Variants in RYR3 observed in about 807,000 individuals in gnomAD.
RYR3 encodes ryanodine receptor 3.
A neutral mutation model predicts 584.3 loss-of-function variants in RYR3; 207 were observed. The observed-to-expected ratio is 0.35, with a 90% CI of 0.32 to 0.40. The LOEUF is 0.40. Among genes scored for constraint, RYR3 ranks in the 10% least tolerant of loss-of-function variants. The pLI, the probability that RYR3 is intolerant of heterozygous loss-of-function variation, is 1.00. For missense variants in RYR3, 5,616 were observed against 6,089.2 expected, an observed-to-expected ratio of 0.92 and a Z score of 2.59; for synonymous variants, 2,416 against 2,248.5, an observed-to-expected ratio of 1.07 and a Z score of -2.11.
chr15:33,754,318 T>C (rs8029028), intron 57 of RYR3, among the ~76,000 whole-genome samples: 8,575 of 152,212 alleles, frequency 0.056, 685 homozygotes, highest in African/African-American at 0.18. Flanking sequence ...TATTGAAAAC[T>C]TCTAATAGCT....
At position 33,662,867 on chromosome 15, in the gene RYR3, G is replaced by A; in HGVS notation, c.5337G>A (p.Val1779=). The stretch of plus-strand genomic sequence containing the variant: ...TGACCCAGGTGGAGGAGAAGGCTGT[G>A]GAGGCTGGGGAGAAGGCCGGCAAGG... The part of the protein sequence containing the change: ...EEVTQVEEKA[V]EAGEKAGKEA... Residue 1779 remains valine (V), a synonymous_variant, in exon 35 of 104, where the codon GTG becomes GTA. Transcript: ENST00000634891. 1 of 1,613,782 alleles carries A rather than the reference G, an allele frequency of 6.2e-7. No individual in the cohort carries two copies. Among genetic ancestry groups the A allele is most frequent in the Non-Finnish European group, 8.5e-7 (1 of 1,179,884 alleles).
At chr15:33,495,426 T>C (rs1202939823) in intron 2 of RYR3, among the ~76,000 whole-genome samples, 1 of 152,210 alleles carries the variant, frequency 6.6e-6, no homozygotes, top group Non-Finnish European at 1.5e-5. Flanking sequence ...TCAGTCTTTC[T>C]GAGTCTTTCT....
chr15:33,424,051 G>A (rs1415088534), intron 1 of RYR3, among the ~76,000 whole-genome samples: 2 of 152,160 alleles, frequency 1.3e-5, no homozygotes, highest in African/African-American at 4.8e-5. Flanking sequence ...GGCTAGACTA[G>A]TACAGTGGCT....
chr15:33,597,550 G>A (rs1374777106), intron 16 of RYR3, among the ~76,000 whole-genome samples: 1 of 151,360 alleles, frequency 6.6e-6, no homozygotes, highest in East Asian at 1.9e-4. Context: ...GGCGGAGGTT[G>A]CAGTGAGCCA....
chr15:33,863,039 G>C (rs562810985), intron 102 of RYR3, among the ~76,000 whole-genome samples: 1 of 152,328 alleles, frequency 6.6e-6, no homozygotes, highest in Non-Finnish European at 1.5e-5. Flanking sequence ...CCACGTGTCT[G>C]TACCCATGGG....
At chr15:33,739,217 T>TTAGAGAAATCTAGAACATGCACA (rs1434036910) in intron 50 of RYR3, among the ~76,000 whole-genome samples, 1 of 152,222 alleles carries the variant, frequency 6.6e-6, no homozygotes, top group East Asian at 1.9e-4. Flanking sequence ...TCTGGTTTTC[T>TTAGAGAAATCTAGAACATGCACA]TAGAGAAATC....
chr15:33,494,480 G>GT (rs2051245684), intron 2 of RYR3, among the ~76,000 whole-genome samples: 1 of 152,154 alleles, frequency 6.6e-6, no homozygotes, highest in Admixed American at 6.5e-5. Context: ...CTATGATAGT[G>GT]TTTTTCCACC....
chr15:33,444,149 A>G (rs1184457924), intron 1 of RYR3, among the ~76,000 whole-genome samples: 1 of 152,068 alleles, frequency 6.6e-6, no homozygotes, highest in East Asian at 1.9e-4. Flanking sequence ...TCTCCATTTC[A>G]TGGGTTCCCT....
chr15:33,481,969 C>A (rs963604013), intron 2 of RYR3, among the ~76,000 whole-genome samples: 5 of 151,874 alleles, frequency 3.3e-5, no homozygotes, highest in African/African-American at 1.2e-4. Flanking sequence ...TGTCAATAGT[C>A]TTTTAAAGAA....
intron 5 of RYR3, among the ~76,000 whole-genome samples, chr15:33,534,335 G>A (rs1297342345): frequency 2.0e-5 from 3 of 152,182 alleles, no homozygotes; most frequent in Non-Finnish European, 4.4e-5. Flanking sequence ...CAGGAGGCAG[G>A]GGTTGCAGTG....
At chr15:33,826,603 C>A in intron 83 of RYR3, 69 bp from the exon 84 acceptor site, 1 of 1,258,278 alleles carries the variant, frequency 7.9e-7, no homozygotes, top group Non-Finnish European at 1.2e-6. Flanking sequence ...TCTGTGTAGT[C>A]ATTTACATTA....
At chr15:33,713,028 CTG>C (rs1282066402) in intron 43 of RYR3, among the ~76,000 whole-genome samples, 1 of 152,122 alleles carries the variant, frequency 6.6e-6, no homozygotes, top group Non-Finnish European at 1.5e-5. Flanking sequence ...AATGGGAAAA[CTG>C]TAATAAACAG....
In RYR3 at chr15:33,633,051, A is replaced by G. The variant is rs1206509163; in HGVS notation, c.2970A>G (p.Ala990=). The G allele has an allele frequency of 5.0e-6, 8 of 1,613,956 alleles. No individual in the cohort carries two copies. In the African/African-American group the frequency reaches 9.3e-5, roughly 19 times the overall value. Residue 990 remains alanine (A), a synonymous_variant, in exon 24 of 104, where the codon GCA becomes GCG. Coordinates refer to ENST00000634891, the MANE Select transcript of RYR3 (RefSeq NM_001036.6). ...TAGTGGATAAGCTTGCAGAAAATGC[A>G]CACAATGTTTGGGCAAAAGACAGAA... ...EILVDKLAEN[A]HNVWAKDRIK... is the part of the protein sequence containing the mutation.
intron 84 of RYR3, 73 bp from the exon 85 acceptor site, chr15:33,827,126 C>T (rs2255311): frequency 0.031 from 37,440 of 1,226,322 alleles, 2,795 homozygotes; most frequent in East Asian, 0.29. Context: ...CTTATCTGAG[C>T]TCAGCTGAGA....
chr15:33,473,328 G>T, intron 1 of RYR3, 91 bp from the exon 2 acceptor site: 1 of 1,484,650 alleles, frequency 6.7e-7, no homozygotes, highest in Non-Finnish European at 9.4e-7. Context: ...TCAGGGATTG[G>T]TGGCTTACCT....
chr15:33,503,650 G>C lies in RYR3; in HGVS notation c.191G>C (p.Cys64Ser). The change falls in exon 3 of 104, where the codon TGC (cysteine) becomes TCC (serine). Residue 64 changes from cysteine (C) to serine (S), a missense_variant. Coordinates refer to ENST00000634891, the MANE Select transcript of RYR3 (RefSeq NM_001036.6). ...SEAKYIPPDL[C>S]VCNFVLEQSL... ...CCACAGTACATTCCTCCAGATCTCT[G>C]CGTCTGCAATTTTGTGCTGGAACAG... The C allele has an allele frequency of 1.2e-6, 2 of 1,610,186 alleles. No homozygotes were observed. The highest frequency in any genetic ancestry group is 1.7e-6 in the Non-Finnish European group (2 of 1,177,274).
chr15:33,814,547 C>A (rs1273430874), intron 74 of RYR3, among the ~76,000 whole-genome samples: 1 of 152,150 alleles, frequency 6.6e-6, no homozygotes, highest in Non-Finnish European at 1.5e-5. Flanking sequence ...TAGCCTATAA[C>A]CTCGTCCTGA....
At chr15:33,650,453 C>T (rs923588421) in intron 31 of RYR3, among the ~76,000 whole-genome samples, 3 of 152,080 alleles carry the variant, frequency 2.0e-5, no homozygotes, top group South Asian at 2.1e-4. Context: ...ACATTGGACC[C>T]GTCACTTAAC....
At chr15:33,569,856 A>ATTTTATCAG (rs777321726) in intron 12 of RYR3, among the ~76,000 whole-genome samples, 8 of 54,922 alleles carry the variant, frequency 1.5e-4, no homozygotes. Context: ...GATACTGGAC[A>ATTTTATCAG]TTTTATCATG....
Sources: allele counts gnomAD v4.1 joint callset (sites outside exome capture counted in the v4.1 genomes callset), GRCh38; gene constraint gnomAD v4.1.1; transcripts MANE v1.5; gene names NCBI Gene and HGNC (gene_info 2026-07-23, HGNC 2026-07-21).